The following TENM2 variants were observed in gnomAD, a reference collection of about 807,000 sequenced individuals.
The protein encoded by TENM2 is teneurin transmembrane protein 2.
Under a neutral mutation model 245.2 loss-of-function variants are expected in TENM2, and 52 were observed. That is an observed-to-expected ratio of 0.21 (90% confidence interval 0.17 to 0.27). The LOEUF (loss-of-function observed/expected upper bound fraction) is 0.27, where lower values mean the gene tolerates loss of function less well. TENM2 is among the 10% of genes least tolerant of loss of function. The pLI is 1.00. For missense variants in TENM2, 3,046 were observed against 3,666.8 expected (o/e 0.83, Z 4.37); for synonymous variants, 1,363 against 1,438.9 (o/e 0.95, Z 1.19).
At chr5:168,059,150 T>G (rs1789816570) in intron 6 of TENM2, among the ~76,000 whole-genome samples, 1 of 152,124 alleles carries the variant, frequency 6.6e-6, no homozygotes, top group Admixed American at 6.5e-5. Flanking sequence ...GGGAGCTAAT[T>G]TAGTCAGTGT....
At chr5:167,892,121 G>C (rs1437511768) in intron 3 of TENM2, among the ~76,000 whole-genome samples, 1 of 152,114 alleles carries the variant, frequency 6.6e-6, no homozygotes, top group African/African-American at 2.4e-5. Flanking sequence ...GCACATTATG[G>C]ACTGAATTAC....
chr5:167,444,298 T>TACACATACAC (rs1765036261), intron 2 of TENM2, among the ~76,000 whole-genome samples: 2 of 150,396 alleles, frequency 1.3e-5, no homozygotes, highest in Non-Finnish European at 3.0e-5. Context: ...CACATACACA[T>TACACATACAC]ACACACACAC....
At chr5:167,482,263 C>A (rs1767803340) in intron 2 of TENM2, among the ~76,000 whole-genome samples, 1 of 152,138 alleles carries the variant, frequency 6.6e-6, no homozygotes. Flanking sequence ...AAACCTTACT[C>A]TAAAAACAAT....
chr5:167,619,466 G>C (rs1290824541), intron 2 of TENM2, among the ~76,000 whole-genome samples: 1 of 152,010 alleles, frequency 6.6e-6, no homozygotes, highest in Non-Finnish European at 1.5e-5. Flanking sequence ...GAATTACAGG[G>C]CACATTAAAG....
chr5:167,917,406 G>A (rs1308588689), intron 3 of TENM2, among the ~76,000 whole-genome samples: 1 of 152,070 alleles, frequency 6.6e-6, no homozygotes, highest in Admixed American at 6.5e-5. Context: ...TGCCGCACTG[G>A]CTTCATTTGT....
the TENM2 span, among the ~76,000 whole-genome samples, chr5:167,233,830 A>G: frequency 6.6e-6 from 1 of 152,126 alleles, no homozygotes; most frequent in East Asian, 1.9e-4. Context: ...CAAAATTCTC[A>G]ATGTATGTAT....
intron 2 of TENM2, among the ~76,000 whole-genome samples, chr5:167,378,140 A>T (rs1050862174): frequency 5.3e-5 from 8 of 152,064 alleles, no homozygotes; most frequent in Non-Finnish European, 1.2e-4. Context: ...TCCAGTTGTG[A>T]TTTTGCTAAG....
chr5:167,095,942 T>G, the TENM2 span, among the ~76,000 whole-genome samples: 1 of 152,072 alleles, frequency 6.6e-6, no homozygotes, highest in Admixed American at 6.6e-5. Context: ...GGTTAATTTT[T>G]GTATATTTAA....
intron 2 of TENM2, among the ~76,000 whole-genome samples, chr5:167,801,149 T>A (rs1583044112): frequency 1.0e-5 from 1 of 95,358 alleles, no homozygotes; most frequent in Admixed American, 1.1e-4. Flanking sequence ...TATATATATA[T>A]ATATGTATAT....
the TENM2 span, among the ~76,000 whole-genome samples, chr5:167,195,716 G>T: frequency 6.6e-6 from 1 of 151,584 alleles, no homozygotes; most frequent in Non-Finnish European, 1.5e-5. Context: ...CTTTATAAAA[G>T]AATACATATT....
At chr5:167,618,356 A>C (rs278010) in intron 2 of TENM2, among the ~76,000 whole-genome samples, 151,162 of 152,094 alleles carry the variant, frequency 0.99, 75,120 homozygotes, top group Middle Eastern at 1. Flanking sequence ...CTCCCCTCCC[A>C]TTCAGGCTTG....
chr5:168,229,066 AATT>A (rs1408979822), intron 25 of TENM2, among the ~76,000 whole-genome samples: 1 of 148,320 alleles, frequency 6.7e-6, no homozygotes, highest in African/African-American at 2.5e-5. Flanking sequence ...ATTAATGTAT[AATT>A]ATATGTATAA....
At chr5:167,375,108 G>A in intron 1 of TENM2, 90 bp from the exon 4 acceptor site, 1 of 1,380,096 alleles carries the variant, frequency 7.2e-7, no homozygotes, top group Non-Finnish European at 9.9e-7. Flanking sequence ...TGTCAGATGG[G>A]AAAAGTGGCT....
At chr5:167,120,393 G>A in the TENM2 span, among the ~76,000 whole-genome samples, 1 of 152,224 alleles carries the variant, frequency 6.6e-6, no homozygotes, top group African/African-American at 2.4e-5. Flanking sequence ...TGTGGGAGAG[G>A]AGGGGAAGTG....
At chr5:168,256,089 C>CTGG (rs1249930432) in intron 27 of TENM2, among the ~76,000 whole-genome samples, 13 of 152,092 alleles carry the variant, frequency 8.5e-5, no homozygotes. Context: ...CAGGCGTGAG[C>CTGG]CACCGCGCCT....
chr5:166,979,431 A>G, the TENM2 span, among the ~76,000 whole-genome samples: 2 of 151,918 alleles, frequency 1.3e-5, no homozygotes, highest in African/African-American at 4.8e-5. Context: ...GAAGTGAAGG[A>G]ATTTTGCTCC....
intron 3 of TENM2, among the ~76,000 whole-genome samples, chr5:167,902,465 CCT>C (rs1775781947): frequency 6.6e-6 from 1 of 152,162 alleles, no homozygotes; most frequent in Admixed American, 6.6e-5. Flanking sequence ...AATCCAGCCT[CCT>C]CGGCCCCTAG....
intron 2 of TENM2, among the ~76,000 whole-genome samples, chr5:167,520,502 C>T (rs538583323): frequency 6.6e-6 from 1 of 152,100 alleles, no homozygotes; most frequent in Non-Finnish European, 1.5e-5. Flanking sequence ...GTATGAGGAT[C>T]ATAATGCACA....
At chr5:167,918,241 T>C (rs978633087) in intron 3 of TENM2, among the ~76,000 whole-genome samples, 3 of 152,208 alleles carry the variant, frequency 2.0e-5, no homozygotes, top group Non-Finnish European at 1.5e-5. Flanking sequence ...ACAGTTACCA[T>C]AGGTCCTTAA....
Sources: gnomAD v4.1 joint callset for allele counts (sites outside exome capture counted in the v4.1 genomes callset) on GRCh38, gnomAD v4.1.1 for gene constraint, MANE v1.5 for transcripts, NCBI Gene and HGNC (gene_info 2026-07-23, HGNC 2026-07-21) for gene names.